The following SMAD4 variants were observed in gnomAD, a reference collection of about 807,000 sequenced individuals.
SMAD4 encodes SMAD family member 4.
In SMAD4, 7 loss-of-function variants were observed where a neutral mutation model predicts 63.2. That is an observed-to-expected ratio of 0.11 (90% CI 0.06 to 0.21). The LOEUF is 0.21. Among genes scored for constraint, SMAD4 ranks in the 10% least tolerant of loss-of-function variants. The pLI is 1.00. For missense variants in SMAD4, 312 were observed against 693.8 expected (o/e 0.45, Z 6.18); for synonymous variants, 215 against 235.4 (o/e 0.91, Z 0.79).
At chr18:51,062,851 GTTTTTTTTTTTTT>G (rs71171374) in intron 8 of SMAD4, among the ~76,000 whole-genome samples, 4 of 65,386 alleles carry the variant, frequency 6.1e-5, no homozygotes, top group African/African-American at 2.6e-4. Context: ...GGCTTTACTT[GTTTTTTTTTTTTT>G]TTTTTTTTTT....
chr18:51,030,711 A>ACGG lies in SMAD4; in HGVS notation c.-128+108_-128+110dup, dbSNP rs533316618. ...CCCGCCCCGGGGCGGGCTCCCGACG[A>ACGG]CGGCGGCGGCGGCGGCGGCGGCTGG... is the stretch of plus-strand genomic sequence containing the variant. On this transcript the variant is annotated intron_variant, in intron 1 of 11. Transcript: ENST00000342988. 0.047 allele frequency: 7,010 copies of ACGG among 150,288 alleles called. 500 individuals carry two copies. Among genetic ancestry groups the ACGG allele is most frequent in the African/African-American group, 0.15 (6,107 of 40,860 alleles). The allele number at this position is 150,288 out of a possible 1,614,324, so 9.3% of individuals were successfully genotyped here. A position where few individuals can be genotyped will look rare whatever the true frequency, so the allele number is the denominator to read the frequency against.
At chr18:51,075,548 C>A (rs897303970) in intron 10 of SMAD4, among the ~76,000 whole-genome samples, 1 of 152,092 alleles carries the variant, frequency 6.6e-6, no homozygotes, top group African/African-American at 2.4e-5. Flanking sequence ...CCTGCAAATT[C>A]TTTTTGTGTA....
rs1180495542 is a variant in SMAD4, at chr18:51,084,010, GCGCACACACACA to G, written c.*5545_*5556del. The G allele has an allele frequency of 1.6e-4, 10 of 60,728 alleles. No individual in the cohort carries two copies. The highest frequency in any genetic ancestry group is 3.3e-4 in the Admixed American group (1 of 3,048). 3.8% of individuals were successfully genotyped at this position (60,728 alleles called of 1,614,324 possible). A position where few individuals can be genotyped will look rare whatever the true frequency, so the allele number is the denominator to read the frequency against. On this transcript the variant is annotated 3_prime_UTR_variant, in exon 12 of 12. Coordinates refer to ENST00000342988, the MANE Select transcript of SMAD4 (RefSeq NM_005359.6). ...ACTTAACGCGCGTGCGCACGCGCGC[GCGCACACACACA>G]CACACACACACACACACACACAGGT...
chr18:51,055,102 C>G (rs1166029371), intron 5 of SMAD4, 109 bp downstream of exon 5: 1 of 824,022 alleles, frequency 1.2e-6, no homozygotes, highest in Non-Finnish European at 2.1e-6. Context: ...TTAAAAGTAA[C>G]TGTAGTATCT....
chr18:51,066,456 G>C (rs1910156186), intron 9 of SMAD4, among the ~76,000 whole-genome samples: 1 of 151,762 alleles, frequency 6.6e-6, no homozygotes, highest in Non-Finnish European at 1.5e-5. Context: ...GGATGTGTGT[G>C]CTAAAGAACA....
chr18:51,031,715 G>A (rs1909056113), intron 1 of SMAD4, among the ~76,000 whole-genome samples: 1 of 150,420 alleles, frequency 6.6e-6, no homozygotes, highest in Non-Finnish European at 1.5e-5. Context: ...ACTCCTTTTT[G>A]CTGGCAAAAA....
chr18:51,072,818 C>G (rs981538068), intron 10 of SMAD4, among the ~76,000 whole-genome samples: 1 of 152,018 alleles, frequency 6.6e-6, no homozygotes. Flanking sequence ...ATATTTAAAG[C>G]CTTTGATTAC....
intron 8 of SMAD4, among the ~76,000 whole-genome samples, chr18:51,062,384 C>A (rs566644916): frequency 6.6e-6 from 1 of 152,106 alleles, no homozygotes; most frequent in African/African-American, 2.4e-5. Flanking sequence ...TCCCAGAAAC[C>A]CTCCTACCCC....
At chr18:51,059,633 A>C (rs1909950484) in intron 7 of SMAD4, among the ~76,000 whole-genome samples, 1 of 152,120 alleles carries the variant, frequency 6.6e-6, no homozygotes, top group African/African-American at 2.4e-5. Context: ...AAATTGTGTA[A>C]TAATAGCACT....
At chr18:51,060,494 T>C (rs922192613) in intron 8 of SMAD4, among the ~76,000 whole-genome samples, 3 of 152,248 alleles carry the variant, frequency 2.0e-5, no homozygotes, top group Non-Finnish European at 4.4e-5. Context: ...TTGAATTTTT[T>C]TCTCATCCTT....
chr18:51,072,733 T>C (rs1449467555), intron 10 of SMAD4, among the ~76,000 whole-genome samples: 2 of 152,200 alleles, frequency 1.3e-5, no homozygotes, highest in Non-Finnish European at 2.9e-5. Context: ...TCAGAAAACA[T>C]GGTTAAATAA....
chr18:51,080,331 C>G lies in SMAD4; in HGVS notation c.*1864C>G, dbSNP rs561442548. 1 of 231,794 alleles carries G rather than the reference C, an allele frequency of 4.3e-6. No individual in the cohort carries two copies. The highest frequency in any genetic ancestry group is 8.5e-6 in the Non-Finnish European group (1 of 117,274). The allele number at this position is 231,794 out of a possible 1,614,324, so 14.4% of individuals were successfully genotyped here. The stretch of plus-strand genomic sequence containing the variant: ...CCTCATTTGTACTCTTGATTACTTA[C>G]AAATTCTTTCAGTAAACACCTAATT... On this transcript the variant is annotated 3_prime_UTR_variant, in exon 12 of 12. Transcript: ENST00000342988.
chr18:51,083,050 T>TA lies in SMAD4; in HGVS notation c.*4584dup, dbSNP rs138276731. 35 of 225,112 alleles carry TA rather than the reference T, an allele frequency of 1.6e-4. No homozygotes were observed. The East Asian group carries it at 2.0e-3, about 13-fold the overall frequency. 13.9% of individuals were successfully genotyped at this position (225,112 alleles called of 1,614,324 possible). A position where few individuals can be genotyped will look rare whatever the true frequency, so the allele number is the denominator to read the frequency against. On this transcript the variant is annotated 3_prime_UTR_variant, in exon 12 of 12. Transcript: ENST00000342988. ...CTTGCTGAGTTTCAGGTAGTTGAGA[T>TA]AGAGAGAAGTGAGTCATATTCATAT...
Position 51,084,407 on chromosome 18 carries a change from T to C in SMAD4, c.*5940T>C, listed in dbSNP as rs1474783328. 1 of 229,314 alleles carries C rather than the reference T, an allele frequency of 4.4e-6. No individual in the cohort carries two copies. Among genetic ancestry groups the C allele is most frequent in the Admixed American group, 5.7e-5 (1 of 17,628 alleles). The allele number at this position is 229,314 out of a possible 1,614,324, so 14.2% of individuals were successfully genotyped here. A position where few individuals can be genotyped will look rare whatever the true frequency, so the allele number is the denominator to read the frequency against. ...CCATTTTGATTAAGTGACTTTTGGC[T>C]GGATCATTCAGAGCTCTCTTCTAGC... On this transcript the variant is annotated 3_prime_UTR_variant, in exon 12 of 12. Coordinates refer to ENST00000342988, the MANE Select transcript of SMAD4 (RefSeq NM_005359.6).
At chr18:51,034,167 A>G (rs527368228) in intron 1 of SMAD4, among the ~76,000 whole-genome samples, 3 of 151,428 alleles carry the variant, frequency 2.0e-5, no homozygotes, top group African/African-American at 7.3e-5. Flanking sequence ...TTTTACTCCC[A>G]ATGTTTAGGG....
At position 51,080,359 on chromosome 18, in the gene SMAD4, C is replaced by T. The variant is rs928516511; in HGVS notation, c.*1892C>T. The T allele has an allele frequency of 8.6e-6, 2 of 231,642 alleles. No homozygotes were observed. Among genetic ancestry groups the T allele is most frequent in the Non-Finnish European group, 1.7e-5 (2 of 117,208 alleles). 14.3% of individuals were successfully genotyped at this position (231,642 alleles called of 1,614,324 possible). On this transcript the variant is annotated 3_prime_UTR_variant, in exon 12 of 12. Transcript: ENST00000342988. ...ATTCTTTCAGTAAACACCTAATTTT[C>T]TTCTGTAAAAGTTTGGTGATTTAAG...
At chr18:51,041,768 C>T (rs1035593580) in intron 1 of SMAD4, among the ~76,000 whole-genome samples, 1 of 152,232 alleles carries the variant, frequency 6.6e-6, no homozygotes, top group African/African-American at 2.4e-5. Context: ...TGAGCGATGA[C>T]AGCAGTGCCC....
At chr18:51,065,186 A>T (rs552904852) in intron 8 of SMAD4, among the ~76,000 whole-genome samples, 5 of 148,962 alleles carry the variant, frequency 3.4e-5, no homozygotes, top group South Asian at 2.1e-4. Flanking sequence ...ATTGGAAATT[A>T]AAAAAAAAAA....
At position 51,084,120 on chromosome 18, in the gene SMAD4, T is replaced by A. The variant is rs957950354; in HGVS notation, c.*5653T>A. ...TGCACACACACACGCACGCACACAC[T>A]CTGGTCAGAGTTTATTAAGGCTTTC... On this transcript the variant is annotated 3_prime_UTR_variant, in exon 12 of 12. Coordinates refer to ENST00000342988, the MANE Select transcript of SMAD4 (RefSeq NM_005359.6). The A allele has an allele frequency of 6.1e-5, 14 of 230,824 alleles. No homozygotes were observed. Among genetic ancestry groups the A allele is most frequent in the East Asian group, 3.0e-4 (5 of 16,400 alleles). The allele number at this position is 230,824 out of a possible 1,614,324, so 14.3% of individuals were successfully genotyped here. A position where few individuals can be genotyped will look rare whatever the true frequency, so the allele number is the denominator to read the frequency against.
Sources: allele counts gnomAD v4.1 joint callset (sites outside exome capture counted in the v4.1 genomes callset), GRCh38; gene constraint gnomAD v4.1.1; transcripts MANE v1.5; gene names NCBI Gene and HGNC (gene_info 2026-07-23, HGNC 2026-07-21).